The following CPB2 variants were observed in gnomAD, a reference collection of about 807,000 sequenced individuals.
CPB2 encodes the protein carboxypeptidase B-like protein.
Under a neutral mutation model 57.0 loss-of-function variants are expected in CPB2, and 54 were observed. The ratio of observed to expected loss-of-function variants is 0.95; its 90% CI spans 0.76 to 1.19. The LOEUF is 1.19. Ranked by LOEUF, CPB2 falls within the 50% of genes most tolerant of loss-of-function variation. The pLI is 0.00. For synonymous variants in CPB2, 189 were observed against 178.1 expected, an observed-to-expected ratio of 1.06 and a Z score of -0.49; for missense variants, 426 against 512.0, an observed-to-expected ratio of 0.83 and a Z score of 1.62.
At chr13:46,056,324 A>G (rs2044696279) in intron 9 of CPB2, among the ~76,000 whole-genome samples, 1 of 152,146 alleles carries the variant, frequency 6.6e-6, no homozygotes, top group African/African-American at 2.4e-5. Context: ...AAAATGTCTA[A>G]TGACTTCCAT....
At chr13:46,079,389 A>T (rs2045072072) in intron 4 of CPB2, among the ~76,000 whole-genome samples, 1 of 152,160 alleles carries the variant, frequency 6.6e-6, no homozygotes, top group Non-Finnish European at 1.5e-5. Context: ...TGGCACAATG[A>T]TGAGAGGCAA....
At chr13:46,055,455 T>G (rs1348210331) in intron 10 of CPB2, among the ~76,000 whole-genome samples, 2 of 152,230 alleles carry the variant, frequency 1.3e-5, no homozygotes, top group African/African-American at 2.4e-5. Context: ...CTGGGAATCA[T>G]GCAAAAGTTT....
chr13:46,068,233 ATTGT>A (rs1438783628), intron 6 of CPB2, among the ~76,000 whole-genome samples: 1 of 152,206 alleles, frequency 6.6e-6, no homozygotes, highest in African/African-American at 2.4e-5. Context: ...TTAGTTTATA[ATTGT>A]TTGTTGCCTT....
Position 46,053,537 on chromosome 13 carries a change from A to G in CPB2, c.*77T>C. 1 of 1,537,344 alleles carries G rather than the reference A, an allele frequency of 6.5e-7. No homozygotes were observed. Among genetic ancestry groups the G allele is most frequent in the Non-Finnish European group, 8.8e-7 (1 of 1,141,800 alleles). ...TCAAAACTACGGATAAAACTTAAAA[A>G]TAATTTGATACAATGATTTGGTCTT... On this transcript the variant is annotated 3_prime_UTR_variant, in exon 11 of 11. Transcript: ENST00000181383.
At chr13:46,078,940 G>T in intron 4 of CPB2, 39 bp from the exon 5 acceptor site, 1 of 1,301,548 alleles carries the variant, frequency 7.7e-7, no homozygotes, top group Non-Finnish European at 1.1e-6. Context: ...ACGAAGCCAA[G>T]TTCAAAGCAT....
chr13:46,079,849 T>C (rs1347124940), intron 4 of CPB2, among the ~76,000 whole-genome samples: 5 of 152,126 alleles, frequency 3.3e-5, no homozygotes, highest in Non-Finnish European at 4.4e-5. Flanking sequence ...CCAGCATGAG[T>C]GGTAGGTGTG....
chr13:46,074,025 C>A, intron 5 of CPB2, 48 bp from the exon 6 acceptor site: 1 of 1,121,466 alleles, frequency 8.9e-7, no homozygotes, highest in African/African-American at 1.5e-5. Context: ...CAATAAGCTT[C>A]AGGATAATAA....
Position 46,099,679 on chromosome 13 carries a change from C to T in CPB2, c.74+5257G>A, listed in dbSNP as rs1477194518. 6 of 152,220 alleles carry T rather than the reference C, an allele frequency of 3.9e-5. No individual in the cohort carries two copies. In the East Asian group the frequency reaches 1.2e-3, roughly 29 times the overall value. The allele number at this position is 152,220 out of a possible 1,614,324, so 9.4% of individuals were successfully genotyped here. On this transcript the variant is annotated intron_variant, in intron 1 of 10. Coordinates refer to ENST00000181383, the MANE Select transcript of CPB2 (RefSeq NM_001872.5). ...CTTGGATATTGTGCTAAGTGCTTTA[C>T]AGGTATTCTTATTTAATCCTCACAA...
intron 2 of CPB2, among the ~76,000 whole-genome samples, chr13:46,087,464 T>C (rs1183058369): frequency 6.6e-6 from 1 of 152,272 alleles, no homozygotes; most frequent in African/African-American, 2.4e-5. Context: ...TAAGGTTTTA[T>C]TTATAAATAT....
At chr13:46,086,534 G>A (rs562298946) in intron 2 of CPB2, among the ~76,000 whole-genome samples, 2 of 152,268 alleles carry the variant, frequency 1.3e-5, no homozygotes, top group Non-Finnish European at 2.9e-5. Flanking sequence ...TGAATCCGGG[G>A]GATTTCTATG....
At chr13:46,081,763 A>G (rs1300433742) in intron 4 of CPB2, among the ~76,000 whole-genome samples, 1 of 152,194 alleles carries the variant, frequency 6.6e-6, no homozygotes, top group Non-Finnish European at 1.5e-5. Flanking sequence ...GGAGAATATC[A>G]TATAAAAAAG....
At chr13:46,062,340 T>C (rs2044787182) in intron 8 of CPB2, among the ~76,000 whole-genome samples, 1 of 152,164 alleles carries the variant, frequency 6.6e-6, no homozygotes, top group African/African-American at 2.4e-5. Flanking sequence ...TACGTGCCCT[T>C]GAGGAAGGGA....
chr13:46,094,647 A>T (rs2045340686), intron 1 of CPB2, among the ~76,000 whole-genome samples: 1 of 152,186 alleles, frequency 6.6e-6, no homozygotes, highest in Admixed American at 6.5e-5. Context: ...ATGAGCAGTA[A>T]GGTCGGAGTG....
rs2044873757 is a variant in CPB2, at chr13:46,067,417, T to C, written c.592A>G (p.Ile198Val). The C allele has an allele frequency of 7.0e-7, 1 of 1,432,432 alleles. No individual in the cohort carries two copies. The highest frequency in any genetic ancestry group is 1.2e-5 in the South Asian group (1 of 85,080). The allele number at this position is 1,432,432 out of a possible 1,614,324, so 88.7% of individuals were successfully genotyped here. Reference protein sequence around the residue: ...PAFCLWFIGHITQFYGIIGQY... With the variant: ...PAFCLWFIGHVTQFYGIIGQY... ...CCTATTATCCCATAGAATTGAGTTA[T>C]CTGCAAATTAAACCAAGTATATTTA... The change falls in exon 7 of 11, where the codon ATA (isoleucine) becomes GTA (valine). Residue 198 changes from isoleucine (I) to valine (V), a missense_variant and splice_region_variant. Transcript: ENST00000181383.
At chr13:46,095,867 G>C (rs9534322) in intron 1 of CPB2, among the ~76,000 whole-genome samples, 79,705 of 143,508 alleles carry the variant, frequency 0.56, 22,856 homozygotes, top group East Asian at 0.81. Flanking sequence ...TGTGACTCTG[G>C]CTATAGGACT....
At position 46,078,861 on chromosome 13, in the gene CPB2, T is replaced by A. The variant is rs2045063739; in HGVS notation, c.425A>T (p.Asp142Val). The change falls in exon 5 of 11, where the codon GAT becomes GTT. Residue 142 changes from aspartate (D) to valine (V), a missense_variant. Coordinates refer to ENST00000181383, the MANE Select transcript of CPB2 (RefSeq NM_001872.5). ...TCCAATGTGGATTTTTGTAAGCATA[T>A]CAGGATGCCTCTCAGTTATAAATTC... ...WIEFITERHP[D>V]MLTKIHIGSS... is the part of the protein sequence containing the mutation. 1 of 1,611,900 alleles carries A rather than the reference T, an allele frequency of 6.2e-7. No individual in the cohort carries two copies. The highest frequency in any genetic ancestry group is 1.3e-5 in the African/African-American group (1 of 74,848).
intron 4 of CPB2, 121 bp downstream of exon 4, chr13:46,082,320 G>GTGT: frequency 1.8e-6 from 1 of 566,348 alleles, no homozygotes; most frequent in Non-Finnish European, 3.1e-6. Context: ...TAACCTAAGT[G>GTGT]TGTTTGTGTT....
chr13:46,100,103 A>G (rs533545050), intron 1 of CPB2: 1 of 152,246 alleles, frequency 6.6e-6, no homozygotes, highest in African/African-American at 2.4e-5. Flanking sequence ...TGTATTAAAG[A>G]AGGAGAAAAG....
intron 1 of CPB2, chr13:46,097,383 C>A (rs2045380701): frequency 6.6e-6 from 1 of 152,198 alleles, no homozygotes; most frequent in Non-Finnish European, 1.5e-5. Flanking sequence ...TCATAGAGAC[C>A]AGCTAGTCAC....
Sources: gnomAD v4.1 joint callset for allele counts (sites outside exome capture counted in the v4.1 genomes callset) on GRCh38, gnomAD v4.1.1 for gene constraint, MANE v1.5 for transcripts, NCBI Gene and HGNC (gene_info 2026-07-23, HGNC 2026-07-21) for gene names.